Variants in SND1 observed in about 807,000 individuals in gnomAD.
The protein encoded by SND1 is staphylococcal nuclease and tudor domain containing 1.
In SND1, 38 loss-of-function variants were observed where a neutral mutation model predicts 121.7. The observed-to-expected ratio is 0.31, with a 90% CI of 0.24 to 0.41. The LOEUF (loss-of-function observed/expected upper bound fraction) is 0.41, where lower values mean the gene tolerates loss of function less well. Among genes scored for constraint, SND1 ranks in the 10% least tolerant of loss-of-function variants. The pLI is 1.00. For synonymous variants in SND1, 401 were observed against 447.4 expected (o/e 0.90, Z 1.31); for missense variants, 868 against 1,184.6 (o/e 0.73, Z 3.92).
rs73455800 is a variant in SND1, at chr7:128,090,099, G to T, written c.2622+407G>T. 4.9e-3 allele frequency among the ~76,000 whole-genome samples: 745 copies of T among 152,220 alleles called. 4 individuals carry two copies. Among genetic ancestry groups the T allele is most frequent in the African/African-American group, 0.016 (672 of 41,512 alleles). On this transcript the variant is annotated intron_variant, in intron 22 of 23. Coordinates refer to ENST00000354725, the MANE Select transcript of SND1 (RefSeq NM_014390.4). ...GCCACCCCGAGCCAGAGCTGTCGAG[G>T]AGGCAGCACCAAAGGGCCCAGAAAG... is the stretch of plus-strand genomic sequence containing the variant.
intron 13 of SND1, 25 bp from the exon 14 acceptor site, chr7:127,904,722 C>A: frequency 1.3e-6 from 2 of 1,528,460 alleles, no homozygotes; most frequent in Non-Finnish European, 1.8e-6. Flanking sequence ...TTGTTTTAAT[C>A]GGTTTTTCTC....
intron 14 of SND1, among the ~76,000 whole-genome samples, chr7:127,916,523 A>G (rs755202294): frequency 3.3e-5 from 5 of 152,188 alleles, no homozygotes; most frequent in Non-Finnish European, 7.3e-5. Flanking sequence ...ATGTGAGTGT[A>G]CCAAATTGTC....
chr7:127,777,635 T>C (rs1042365360), intron 10 of SND1, among the ~76,000 whole-genome samples: 1 of 152,202 alleles, frequency 6.6e-6, no homozygotes, highest in Non-Finnish European at 1.5e-5. Flanking sequence ...TATACTTTAG[T>C]GTGGAAAGTA....
At chr7:127,673,967 G>C (rs1318210105) in intron 1 of SND1, among the ~76,000 whole-genome samples, 1 of 152,018 alleles carries the variant, frequency 6.6e-6, no homozygotes, top group Non-Finnish European at 1.5e-5. Context: ...ATTTAGCAGA[G>C]AAGAGTTTTC....
At chr7:127,798,848 CA>C (rs1246607358) in intron 10 of SND1, among the ~76,000 whole-genome samples, 1 of 152,076 alleles carries the variant, frequency 6.6e-6, no homozygotes, top group Non-Finnish European at 1.5e-5. Flanking sequence ...AATTTGATAT[CA>C]GCCCTGGTAA....
chr7:128,072,516 T>C (rs1389887275), intron 16 of SND1, among the ~76,000 whole-genome samples: 2 of 152,222 alleles, frequency 1.3e-5, no homozygotes, highest in Non-Finnish European at 2.9e-5. Flanking sequence ...GCAACCTCTC[T>C]GTTCTTCCTT....
intron 16 of SND1, among the ~76,000 whole-genome samples, chr7:128,005,919 A>G (rs901609664): frequency 1.3e-5 from 2 of 152,180 alleles, no homozygotes; most frequent in Non-Finnish European, 2.9e-5. Flanking sequence ...TCTAAAGGAC[A>G]CAGCCTTCCT....
In SND1 at chr7:127,944,721, C is replaced by T. The variant is rs146817103; in HGVS notation, c.1669+15392C>T. Among the ~76,000 whole-genome samples, 21 of 152,270 alleles carry T rather than the reference C, an allele frequency of 1.4e-4. 1 individual carries two copies. In the East Asian group the frequency reaches 2.7e-3, roughly 20 times the overall value. On this transcript the variant is annotated intron_variant, in intron 15 of 23. Transcript: ENST00000354725. Reference sequence around the variant, plus strand: ...CATTGATTACTGTAGTGCCCTTTTGCCTTAATCCACCCATCTGCTCCAGAA... The same window carrying T: ...CATTGATTACTGTAGTGCCCTTTTGTCTTAATCCACCCATCTGCTCCAGAA...
At chr7:127,738,286 CTTT>C (rs889082580) in intron 10 of SND1, among the ~76,000 whole-genome samples, 3 of 122,660 alleles carry the variant, frequency 2.4e-5, no homozygotes. Context: ...TTTTTTTTTT[CTTT>C]TTTTTTTTTT....
chr7:127,793,964 T>G (rs1238570937), intron 10 of SND1, among the ~76,000 whole-genome samples: 1 of 152,202 alleles, frequency 6.6e-6, no homozygotes, highest in Non-Finnish European at 1.5e-5. Context: ...ATATATATAA[T>G]GAAATTGCTA....
At chr7:128,042,934 T>C (rs141329102) in intron 16 of SND1, among the ~76,000 whole-genome samples, 1 of 152,338 alleles carries the variant, frequency 6.6e-6, no homozygotes, top group East Asian at 1.9e-4. Context: ...CTTGACTCAC[T>C]TGCTTAGGTG....
intron 16 of SND1, among the ~76,000 whole-genome samples, chr7:128,033,136 T>A (rs1792681218): frequency 1.3e-5 from 2 of 152,196 alleles, no homozygotes; most frequent in Non-Finnish European, 2.9e-5. Flanking sequence ...TGGCTAGGAC[T>A]CTGAGAAGAA....
chr7:127,865,191 T>C (rs1487568825), intron 12 of SND1, among the ~76,000 whole-genome samples: 5 of 152,216 alleles, frequency 3.3e-5, no homozygotes, highest in Non-Finnish European at 5.9e-5. Flanking sequence ...TCTGAGAGCA[T>C]CTACACATAT....
intron 9 of SND1, 98 bp from the exon 10 acceptor site, chr7:127,721,189 T>C: frequency 1.4e-6 from 1 of 701,466 alleles, no homozygotes; most frequent in South Asian, 1.6e-5. Flanking sequence ...AAATGGCTAT[T>C]GATCTCACTT....
At chr7:127,860,636 T>C (rs1386276073) in intron 12 of SND1, among the ~76,000 whole-genome samples, 1 of 152,218 alleles carries the variant, frequency 6.6e-6, no homozygotes, top group Admixed American at 6.5e-5. Flanking sequence ...ATTTTCAAAT[T>C]CATCGATTTT....
At chr7:128,043,861 TATAC>T (rs55961419) in intron 16 of SND1, among the ~76,000 whole-genome samples, 2,656 of 48,950 alleles carry the variant, frequency 0.054, 36 homozygotes, top group South Asian at 0.18. Flanking sequence ...TATATACACA[TATAC>T]ACACACACAC....
rs1584774876 is a variant in SND1, at chr7:128,074,772, G to A, written c.1968+82G>A. On this transcript the variant is annotated intron_variant, in intron 17 of 23. Transcript: ENST00000354725. ...ATGCTGCTGCCTCCAGAGAACAGGA[G>A]GAAGTTCTCTCATCCCCACAGAGTA... is the stretch of plus-strand genomic sequence containing the variant. The A allele has an allele frequency of 2.2e-6, 3 of 1,336,600 alleles. No individual in the cohort carries two copies. In the East Asian group the frequency reaches 7.6e-5, roughly 34 times the overall value. The allele number at this position is 1,336,600 out of a possible 1,614,324, so 82.8% of individuals were successfully genotyped here. A position where few individuals can be genotyped will look rare whatever the true frequency, so the allele number is the denominator to read the frequency against.
intron 21 of SND1, among the ~76,000 whole-genome samples, chr7:128,088,737 G>GCCA (rs1171691912): frequency 6.6e-6 from 1 of 151,278 alleles, no homozygotes; most frequent in Non-Finnish European, 1.5e-5. Context: ...ACAGGCATGA[G>GCCA]CCACCACACC....
chr7:127,792,823 G>A (rs1390135294), intron 10 of SND1, among the ~76,000 whole-genome samples: 2 of 152,188 alleles, frequency 1.3e-5, no homozygotes, highest in Non-Finnish European at 2.9e-5. Context: ...CTCGCTTGCT[G>A]CTGCTGGAAC....
Sources: gnomAD v4.1 joint callset for allele counts (sites outside exome capture counted in the v4.1 genomes callset) on GRCh38, gnomAD v4.1.1 for gene constraint, MANE v1.5 for transcripts, NCBI Gene and HGNC (gene_info 2026-07-23, HGNC 2026-07-21) for gene names.